NDRG4: variants seen among roughly 807,000 people sequenced by gnomAD.
The protein encoded by NDRG4 is NDRG family member 4.
In NDRG4, 38 loss-of-function variants were observed where a neutral mutation model predicts 55.8. The ratio of observed to expected loss-of-function variants is 0.68; its 90% confidence interval spans 0.53 to 0.89. The LOEUF (loss-of-function observed/expected upper bound fraction) is 0.89. Among genes scored for constraint, NDRG4 ranks in the 40% least tolerant of loss-of-function variants. The probability of loss-of-function intolerance (pLI) is 0.00; values close to 1 mark genes in which losing one functional copy is unlikely to be tolerated. For synonymous variants in NDRG4, 190 were observed against 182.7 expected, an observed-to-expected ratio of 1.04 and a Z score of -0.32; for missense variants, 455 against 468.6, an observed-to-expected ratio of 0.97 and a Z score of 0.27.
intron 14 of NDRG4, chr16:58,511,026 C>T (rs913598509): frequency 3.8e-5 from 18 of 478,028 alleles, no homozygotes; most frequent in Middle Eastern, 1.1e-3. Flanking sequence ...GTTTGCTGCC[C>T]GCAAGTCTTG....
intron 1 of NDRG4, among the ~76,000 whole-genome samples, chr16:58,471,186 CT>C (rs528375397): frequency 0.042 from 2,811 of 67,016 alleles, 31 homozygotes; most frequent in African/African-American, 0.063. Context: ...ATGTGTGTTG[CT>C]TTTTTTTTTT....
chr16:58,482,571 A>C (rs879364870), intron 1 of NDRG4, among the ~76,000 whole-genome samples: 1 of 152,084 alleles, frequency 6.6e-6, no homozygotes, highest in Non-Finnish European at 1.5e-5. Context: ...ACCCCCAGTC[A>C]CTGAGACCAC....
Position 58,504,137 on chromosome 16 carries a change from G to GAAGT in NDRG4, c.128-16_128-13dup. The GAAGT allele has an allele frequency of 6.2e-7, 1 of 1,613,946 alleles. No homozygotes were observed. The highest frequency in any genetic ancestry group is 8.5e-7 in the Non-Finnish European group (1 of 1,180,004). On this transcript the variant is annotated splice_polypyrimidine_tract_variant and intron_variant, in intron 2 of 14. Transcript: ENST00000570248. ...CCGGCCCCTCTGCTCAGCCATAGTG[G>GAAGT]AAGTGTGTCTTTGCAGACAAACTAT...
intron 1 of NDRG4, among the ~76,000 whole-genome samples, chr16:58,484,186 A>G (rs920635124): frequency 1.3e-5 from 2 of 152,178 alleles, no homozygotes; most frequent in Non-Finnish European, 2.9e-5. Flanking sequence ...CCTGACCAAC[A>G]TGGTAAAACC....
intron 13 of NDRG4, 149 bp from the exon 14 acceptor site, chr16:58,510,496 C>T (rs2038663271): frequency 7.3e-6 from 5 of 684,580 alleles, no homozygotes; most frequent in Non-Finnish European, 1.3e-5. Flanking sequence ...CTTCCAGAAG[C>T]CTCTGGCCCT....
chr16:58,506,362 G>A (rs374873823), intron 5 of NDRG4, 25 bp from the exon 6 acceptor site: 56 of 1,610,628 alleles, frequency 3.5e-5, no homozygotes, highest in African/African-American at 5.3e-5. Context: ...GGCCCCGCCC[G>A]GCCCTGTTTC....
chr16:58,500,499 G>T (rs1567332057), intron 1 of NDRG4: 7 of 562,274 alleles, frequency 1.2e-5, no homozygotes, highest in Non-Finnish European at 2.2e-5. Context: ...AGCAGGGGCT[G>T]GGGGGAGCGT....
At chr16:58,476,756 T>C (rs1436160321) in intron 1 of NDRG4, among the ~76,000 whole-genome samples, 1 of 152,184 alleles carries the variant, frequency 6.6e-6, no homozygotes, top group African/African-American at 2.4e-5. Context: ...TTAAGAGACA[T>C]TGGACTCGAA....
chr16:58,485,342 G>T (rs2034967185), intron 1 of NDRG4, among the ~76,000 whole-genome samples: 1 of 152,102 alleles, frequency 6.6e-6, no homozygotes, highest in South Asian at 2.1e-4. Context: ...GTCTCTCTCT[G>T]CCCCCTTCCC....
rs1336556907 is a variant in NDRG4, at chr16:58,506,936, T to C, written c.541T>C (p.Leu181=). 1 of 1,613,984 alleles carries C rather than the reference T, an allele frequency of 6.2e-7. No homozygotes were observed. Among genetic ancestry groups the C allele is most frequent in the South Asian group, 1.1e-5 (1 of 91,058 alleles). The change falls in exon 8 of 15, where the codon TTG becomes CTG. Residue 181 remains leucine (L), a synonymous_variant. Transcript: ENST00000570248. Reference sequence around the variant, plus strand: ...GGAGGAGCTGGTGAACAACACAGAGTTGGTGCAGAGCTACCGGCAGCAGAT... The same window carrying C: ...GGAGGAGCTGGTGAACAACACAGAGCTGGTGCAGAGCTACCGGCAGCAGAT... ...SQEELVNNTE[L]VQSYRQQIGN... is the part of the protein sequence containing the mutation.
At chr16:58,503,577 CA>C in intron 1 of NDRG4, 1 of 851,736 alleles carries the variant, frequency 1.2e-6, no homozygotes, top group East Asian at 2.7e-5. Flanking sequence ...AGACCTTCCC[CA>C]TGCAGATCAG....
chr16:58,464,690 C>G lies in NDRG4; in HGVS notation c.-24+893C>G. The G allele has an allele frequency of 1.7e-6, 2 of 1,152,372 alleles. No homozygotes were observed. The highest frequency in any genetic ancestry group is 2.2e-6 in the Non-Finnish European group (2 of 902,738). 71.4% of individuals were successfully genotyped at this position (1,152,372 alleles called of 1,614,324 possible). On this transcript the variant is annotated intron_variant, in intron 1 of 15. Transcript: ENST00000258187. The surrounding 1 kb of genome is among the most constrained non-coding windows in gnomAD (Gnocchi z 4.8). Reference sequence around the variant, plus strand: ...GCTGGCGTCCGGGCTGCGGGAGCACCGGTCAGGGGGTGGCCCCATGGGGTC... The same window carrying G: ...GCTGGCGTCCGGGCTGCGGGAGCACGGGTCAGGGGGTGGCCCCATGGGGTC...
At chr16:58,509,117 G>A in intron 11 of NDRG4, 37 bp from the exon 12 acceptor site, 1 of 1,614,000 alleles carries the variant, frequency 6.2e-7, no homozygotes, top group Non-Finnish European at 8.5e-7. Flanking sequence ...CCTGGAGTGA[G>A]GGCCCTGCTC....
intron 3 of NDRG4, chr16:58,495,079 C>G (rs969770338): frequency 1.3e-5 from 19 of 1,503,238 alleles, no homozygotes; most frequent in Non-Finnish European, 1.7e-5. Context: ...CTGGCCAGGT[C>G]CCAGAGGAGG....
At chr16:58,506,008 C>T in intron 5 of NDRG4, 1 of 346,182 alleles carries the variant, frequency 2.9e-6, no homozygotes, top group South Asian at 2.4e-5. Context: ...AGGCGTGAGC[C>T]ACGGCGCCTG....
At chr16:58,506,793 C>G in intron 7 of NDRG4, 119 bp from the exon 8 acceptor site, 1 of 1,184,112 alleles carries the variant, frequency 8.4e-7, no homozygotes, top group East Asian at 2.6e-5. Flanking sequence ...CCCACCCTGT[C>G]TCCCCTGCCT....
intron 1 of NDRG4, among the ~76,000 whole-genome samples, chr16:58,468,179 T>A (rs2032079430): frequency 6.6e-6 from 1 of 152,212 alleles, no homozygotes. Flanking sequence ...ATCCAGCATG[T>A]CTTTTTGTTC....
chr16:58,509,866 G>T (rs751053513), intron 13 of NDRG4, among the ~76,000 whole-genome samples: 3 of 152,164 alleles, frequency 2.0e-5, no homozygotes, highest in African/African-American at 7.2e-5. Context: ...CATTCAGAGA[G>T]CTGAAAGCAG....
intron 5 of NDRG4, among the ~76,000 whole-genome samples, chr16:58,505,097 C>T (rs187732512): frequency 2.6e-4 from 40 of 152,234 alleles, no homozygotes; most frequent in Middle Eastern, 3.4e-3. Context: ...CACCTGTAAT[C>T]CCAGCACTTT....
Sources: allele counts gnomAD v4.1 joint callset (sites outside exome capture counted in the v4.1 genomes callset), GRCh38; gene constraint gnomAD v4.1.1; non-coding constraint Gnocchi (gnomAD v3.1); transcripts MANE v1.5; gene names NCBI Gene and HGNC (gene_info 2026-07-23, HGNC 2026-07-21).